The following SARM1 variants were observed in gnomAD, a reference collection of about 807,000 sequenced individuals.
The protein encoded by SARM1 is sterile alpha and TIR motif containing 1.
A neutral mutation model predicts 65.1 loss-of-function variants in SARM1; 60 were observed. That is an observed-to-expected ratio of 0.92 (90% CI 0.75 to 1.14). SARM1 has a LOEUF of 1.14. Ranked by LOEUF, SARM1 falls within the 50% of genes most tolerant of loss-of-function variation. The pLI is 0.00. For missense variants in SARM1, 913 were observed against 1,015.7 expected (o/e 0.90, Z 1.37); for synonymous variants, 417 against 465.4 (o/e 0.90, Z 1.34).
chr17:28,401,937 C>A lies in SARM1; in HGVS notation c.*5651C>A. On this transcript the variant is annotated 3_prime_UTR_variant, in exon 9 of 9. Coordinates refer to ENST00000585482, the MANE Select transcript of SARM1 (RefSeq NM_015077.4). ...ACAGGGAACTCTGGCATCACCACAC[C>A]CATCTTACAGACGGAAAAGCTGAGG... 4.4e-6 allele frequency: 1 copy of A among 229,670 alleles called. No individual in the cohort carries two copies. Among genetic ancestry groups the A allele is most frequent in the Non-Finnish European group, 8.5e-6 (1 of 117,496 alleles). The allele number at this position is 229,670 out of a possible 1,614,324, so 14.2% of individuals were successfully genotyped here.
intron 5 of SARM1, 173 bp from the exon 6 acceptor site, chr17:28,388,001 A>G (rs567519614): frequency 1.6e-6 from 1 of 620,556 alleles, no homozygotes; most frequent in African/African-American, 1.8e-5. Context: ...ACCCAACAAT[A>G]ACATGACCTT....
At chr17:28,373,897 G>A (rs913397309) in intron 1 of SARM1, 1 of 152,224 alleles carries the variant, frequency 6.6e-6, no homozygotes, top group Non-Finnish European at 1.5e-5. Flanking sequence ...CTGGTCTCAA[G>A]AAACGCACGC....
rs1259661846 is a variant in SARM1 at position 28,401,050 on chromosome 17, A to T, written c.*4764A>T. The T allele has an allele frequency of 2.2e-5, 9 of 415,764 alleles. No homozygotes were observed. Among genetic ancestry groups the T allele is most frequent in the Non-Finnish European group, 4.1e-5 (9 of 221,512 alleles). 25.8% of individuals were successfully genotyped at this position (415,764 alleles called of 1,614,324 possible). A position where few individuals can be genotyped will look rare whatever the true frequency, so the allele number is the denominator to read the frequency against. On this transcript the variant is annotated 3_prime_UTR_variant, in exon 9 of 9. Transcript: ENST00000585482. Reference sequence around the variant, plus strand: ...AGCACATAAAAGAAAAAAAAAGTACATGTGATATTGTCTGATGAAAGCTTG... The same window carrying T: ...AGCACATAAAAGAAAAAAAAAGTACTTGTGATATTGTCTGATGAAAGCTTG...
Position 28,400,070 on chromosome 17 carries a change from T to C in SARM1, c.*3784T>C, listed in dbSNP as rs1157450838. 1 of 281,092 alleles carries C rather than the reference T, an allele frequency of 3.6e-6. No homozygotes were observed. The highest frequency in any genetic ancestry group is 6.9e-6 in the Non-Finnish European group (1 of 145,232). 17.4% of individuals were successfully genotyped at this position (281,092 alleles called of 1,614,324 possible). Reference sequence around the variant, plus strand: ...CACCATGCCTGGGTGATTTTTTAAATTTTTTATACAGACAAGGTCTTGCTA... The same window carrying C: ...CACCATGCCTGGGTGATTTTTTAAACTTTTTATACAGACAAGGTCTTGCTA... On this transcript the variant is annotated 3_prime_UTR_variant, in exon 9 of 9. Coordinates refer to ENST00000585482, the MANE Select transcript of SARM1 (RefSeq NM_015077.4).
intron 1 of SARM1, among the ~76,000 whole-genome samples, chr17:28,379,856 A>G (rs1336630648): frequency 1.3e-5 from 2 of 152,160 alleles, no homozygotes; most frequent in Non-Finnish European, 2.9e-5. Context: ...AGCGATAGCT[A>G]TTGTTTTAAT....
Position 28,381,275 on chromosome 17 carries a change from G to C in SARM1, c.543G>C (p.Ala181=), listed in dbSNP as rs1404899098. 1 of 1,608,450 alleles carries C rather than the reference G, an allele frequency of 6.2e-7. No homozygotes were observed. Among genetic ancestry groups the C allele is most frequent in the Non-Finnish European group, 8.5e-7 (1 of 1,177,748 alleles). ...LAKEREPVEL[A]RSVAGILEHM... ...AGGAACGCGAACCCGTAGAGCTGGCGCGGAGCGTGGCAGGCATCTTGGAGC... is the reference window on the plus strand; with the variant it reads ...AGGAACGCGAACCCGTAGAGCTGGCCCGGAGCGTGGCAGGCATCTTGGAGC... The change falls in exon 2 of 9, where the codon GCG becomes GCC. Residue 181 remains alanine (A), a synonymous_variant. Transcript: ENST00000585482.
At position 28,385,150 on chromosome 17, in the gene SARM1, C is replaced by T; in HGVS notation, c.1505C>T (p.Thr502Ile). The T allele has an allele frequency of 6.2e-7, 1 of 1,613,240 alleles. No homozygotes were observed. Among genetic ancestry groups the T allele is most frequent in the African/African-American group, 1.3e-5 (1 of 75,060 alleles). The part of the protein sequence containing the change: ...GSLDPRFRQY[T>I]YGLVSCGLDR... Reference sequence around the variant, plus strand: ...CTGGACCCGCGCTTCCGCCAGTACACCTACGGCCTGGTCAGCTGCGGCCTG... The same window carrying T: ...CTGGACCCGCGCTTCCGCCAGTACATCTACGGCCTGGTCAGCTGCGGCCTG... The change falls in exon 5 of 9, where the codon ACC becomes ATC. Residue 502 changes from threonine to isoleucine, a missense_variant. Around this residue, in one of 3 missense-constraint regions of SARM1, gnomAD observed 862 missense variants for 952.1 expected, o/e 0.91. Coordinates refer to ENST00000585482, the MANE Select transcript of SARM1 (RefSeq NM_015077.4). This position sits in a 1 kb window ranked among gnomAD's most constrained non-coding sequence, Gnocchi z 4.5.
At chr17:28,379,549 A>T (rs2068010311) in intron 1 of SARM1, among the ~76,000 whole-genome samples, 1 of 152,138 alleles carries the variant, frequency 6.6e-6, no homozygotes, top group Admixed American at 6.5e-5. Context: ...TGACCTTGTC[A>T]TCCACCCGCC....
chr17:28,371,929 A>C lies in SARM1; in HGVS notation c.-104A>C. 1.2e-6 allele frequency: 1 copy of C among 806,212 alleles called. No individual in the cohort carries two copies. The highest frequency in any genetic ancestry group is 1.8e-6 in the Non-Finnish European group (1 of 562,678). 49.9% of individuals were successfully genotyped at this position (806,212 alleles called of 1,614,324 possible). ...CCCTTCTCTCCATTCCTCCCCCTCC[A>C]TCTTCTTTCCCCGACCCCTCTCGGG... is the stretch of plus-strand genomic sequence containing the variant. On this transcript the variant is annotated 5_prime_UTR_variant, in exon 1 of 9. Coordinates refer to ENST00000585482, the MANE Select transcript of SARM1 (RefSeq NM_015077.4).
intron 5 of SARM1, 76 bp from the exon 6 acceptor site, chr17:28,388,098 C>T: frequency 3.4e-6 from 4 of 1,172,154 alleles, no homozygotes; most frequent in Non-Finnish European, 4.9e-6. Context: ...GGGACTAAGT[C>T]CACAAGGGAT....
intron 1 of SARM1, among the ~76,000 whole-genome samples, chr17:28,375,312 A>G (rs1227062440): frequency 6.6e-6 from 1 of 152,164 alleles, no homozygotes; most frequent in Non-Finnish European, 1.5e-5. Context: ...AATCACAGAA[A>G]GGCGGCCAGG....
chr17:28,379,932 C>T (rs2142427123), intron 1 of SARM1, among the ~76,000 whole-genome samples: 1 of 152,198 alleles, frequency 6.6e-6, no homozygotes, highest in South Asian at 2.1e-4. Flanking sequence ...TTTTGGATTT[C>T]CTCTTGTCAA....
rs1555586377 is a variant in SARM1 at position 28,388,317 on chromosome 17, A to T, written c.1734-33A>T. ...CGGGCAGCGACGGGGCGTGGGGACA[A>T]GGCTGTGGCACTGACACAGGACTTA... On this transcript the variant is annotated intron_variant, in intron 6 of 8. Transcript: ENST00000585482. 1.9e-6 allele frequency: 3 copies of T among 1,609,318 alleles called. No individual in the cohort carries two copies. The East Asian group carries it at 6.7e-5, about 36-fold the overall frequency.
Position 28,401,137 on chromosome 17 carries a change from C to T in SARM1, c.*4851C>T. 3.0e-6 allele frequency: 1 copy of T among 332,738 alleles called. No individual in the cohort carries two copies. The highest frequency in any genetic ancestry group is 2.7e-5 in the South Asian group (1 of 37,462). 20.6% of individuals were successfully genotyped at this position (332,738 alleles called of 1,614,324 possible). ...ATCATCTCCTGTTTGGGATTAACTGCTGGTCTGATCAGTTCCAATATTCAT... is the reference window on the plus strand; with the variant it reads ...ATCATCTCCTGTTTGGGATTAACTGTTGGTCTGATCAGTTCCAATATTCAT... On this transcript the variant is annotated 3_prime_UTR_variant, in exon 9 of 9. Coordinates refer to ENST00000585482, the MANE Select transcript of SARM1 (RefSeq NM_015077.4).
Position 28,384,664 on chromosome 17 carries a change from AG to A in SARM1, c.1302+98del. ...CCCCGCCTCGCAATCCCGCGGCGCC[AG>A]GGTCGCTTTTGGGGGCGGGGAGCCT... On this transcript the variant is annotated intron_variant, in intron 3 of 8. Coordinates refer to ENST00000585482, the MANE Select transcript of SARM1 (RefSeq NM_015077.4). The surrounding 1 kb of genome is among the most constrained non-coding windows in gnomAD (Gnocchi z 4.4). 1 of 1,372,686 alleles carries A rather than the reference AG, an allele frequency of 7.3e-7. No homozygotes were observed. The highest frequency in any genetic ancestry group is 9.9e-7 in the Non-Finnish European group (1 of 1,009,666). The allele number at this position is 1,372,686 out of a possible 1,614,324, so 85.0% of individuals were successfully genotyped here. A position where few individuals can be genotyped will look rare whatever the true frequency, so the allele number is the denominator to read the frequency against.
chr17:28,381,340 T>TGGCGGCC lies in SARM1; in HGVS notation c.616_622dup (p.Leu208ArgfsTer75). The stretch of plus-strand genomic sequence containing the variant: ...TCGGAGGAGACATGCCAGAGGCTGG[T>TGGCGGCC]GGCGGCCGGCGGCCTGGACGCGGTG... On this transcript the variant is annotated frameshift_variant, in exon 2 of 9. Transcript: ENST00000585482. LOFTEE classifies it high-confidence loss of function. The TGGCGGCC allele has an allele frequency of 6.3e-7, 1 of 1,588,936 alleles. No homozygotes were observed. Among genetic ancestry groups the TGGCGGCC allele is most frequent in the Non-Finnish European group, 8.6e-7 (1 of 1,169,114 alleles).
chr17:28,385,462 C>T lies in SARM1; in HGVS notation c.1630+187C>T. 1.7e-6 allele frequency: 1 copy of T among 587,548 alleles called. No homozygotes were observed. The allele number at this position is 587,548 out of a possible 1,614,324, so 36.4% of individuals were successfully genotyped here. A position where few individuals can be genotyped will look rare whatever the true frequency, so the allele number is the denominator to read the frequency against. On this transcript the variant is annotated intron_variant, in intron 5 of 8. Coordinates refer to ENST00000585482, the MANE Select transcript of SARM1 (RefSeq NM_015077.4). The surrounding 1 kb of genome is among the most constrained non-coding windows in gnomAD (Gnocchi z 4.5). ...CACTTTACCTCAAGAAGTTCCCAGT[C>T]TGAGGTGGGTAGGCGGTGGGAGGAA...
In SARM1 at chr17:28,396,554, G is replaced by A. The variant is rs953787645; in HGVS notation, c.*268G>A. 1 of 513,508 alleles carries A rather than the reference G, an allele frequency of 1.9e-6. No homozygotes were observed. The highest frequency in any genetic ancestry group is 3.5e-6 in the Non-Finnish European group (1 of 283,734). 31.8% of individuals were successfully genotyped at this position (513,508 alleles called of 1,614,324 possible). A position where few individuals can be genotyped will look rare whatever the true frequency, so the allele number is the denominator to read the frequency against. ...GGTTGTCTGTCTCCGTCATGGGGAG[G>A]GTCCCTGCTCAGTTCTGGAGACACT... On this transcript the variant is annotated 3_prime_UTR_variant, in exon 9 of 9. Coordinates refer to ENST00000585482, the MANE Select transcript of SARM1 (RefSeq NM_015077.4).
At chr17:28,383,090 C>A (rs1555585515) in intron 2 of SARM1, among the ~76,000 whole-genome samples, 1 of 152,156 alleles carries the variant, frequency 6.6e-6, no homozygotes, top group East Asian at 1.9e-4. Flanking sequence ...AAAGAGACTG[C>A]TGGCTGGGTG....
Sources: allele counts gnomAD v4.1 joint callset (sites outside exome capture counted in the v4.1 genomes callset), GRCh38; gene constraint gnomAD v4.1.1; regional missense constraint gnomAD v4.1.1; non-coding constraint Gnocchi (gnomAD v3.1); transcripts MANE v1.5; gene names NCBI Gene and HGNC (gene_info 2026-07-23, HGNC 2026-07-21).